The following PCDH7 variants were observed in gnomAD, a reference collection of about 807,000 sequenced individuals.
The protein encoded by PCDH7 is protocadherin 7.
In PCDH7, 17 loss-of-function variants were observed where a neutral mutation model predicts 58.9. That is an observed-to-expected ratio of 0.29 (90% CI 0.20 to 0.43). The LOEUF (loss-of-function observed/expected upper bound fraction) is 0.43, where lower values mean the gene tolerates loss of function less well. Ranked by LOEUF, PCDH7 falls within the 20% of genes least tolerant of loss-of-function variation. The pLI is 1.00. For synonymous variants in PCDH7, 664 were observed against 616.4 expected, an observed-to-expected ratio of 1.08 and a Z score of -1.14; for missense variants, 1,274 against 1,441.0, an observed-to-expected ratio of 0.88 and a Z score of 1.88.
At chr4:30,794,800 A>T (rs1425167586) in intron 1 of PCDH7, among the ~76,000 whole-genome samples, 1 of 152,014 alleles carries the variant, frequency 6.6e-6, no homozygotes, top group South Asian at 2.1e-4. Flanking sequence ...AATTTGTGAT[A>T]AAAAAATCCA....
At chr4:30,882,799 C>T (rs1737158056) in intron 1 of PCDH7, among the ~76,000 whole-genome samples, 1 of 152,208 alleles carries the variant, frequency 6.6e-6, no homozygotes, top group African/African-American at 2.4e-5. Flanking sequence ...AGAATGACCC[C>T]ATGCCAAAAG....
At chr4:30,750,386 G>T (rs950013582) in intron 1 of PCDH7, among the ~76,000 whole-genome samples, 20 of 151,986 alleles carry the variant, frequency 1.3e-4, no homozygotes, top group Admixed American at 8.5e-4. Flanking sequence ...TCAACCTCCT[G>T]GGCATAGAAC....
Position 31,029,288 on chromosome 4 carries a change from A to G in PCDH7, c.*7+79073A>G, listed in dbSNP as rs1390246723. ...ATTCTGTGCCTATTTCACCTAATGTACTTTTAACTAACCATGAACTAAAAA... is the reference window on the plus strand; with the variant it reads ...ATTCTGTGCCTATTTCACCTAATGTGCTTTTAACTAACCATGAACTAAAAA... On this transcript the variant is annotated intron_variant, in intron 3 of 3. Transcript: ENST00000509759. Among the ~76,000 whole-genome samples the G allele has an allele frequency of 2.0e-5, 3 of 152,190 alleles. No individual in the cohort carries two copies. In the East Asian group the frequency reaches 5.8e-4, roughly 29 times the overall value.
At chr4:30,832,620 C>T (rs577177557) in intron 1 of PCDH7, among the ~76,000 whole-genome samples, 19 of 152,218 alleles carry the variant, frequency 1.2e-4, no homozygotes, top group African/African-American at 4.3e-4. Flanking sequence ...TTTATCCCCT[C>T]TGTGTGTTTG....
chr4:30,755,154 G>A (rs908809566), intron 1 of PCDH7, among the ~76,000 whole-genome samples: 2 of 152,090 alleles, frequency 1.3e-5, no homozygotes, highest in Non-Finnish European at 2.9e-5. Flanking sequence ...ACCTCACCGA[G>A]TATCTCATCA....
intron 3 of PCDH7, among the ~76,000 whole-genome samples, chr4:31,081,473 C>T (rs1759500659): frequency 6.6e-6 from 1 of 152,160 alleles, no homozygotes; most frequent in Admixed American, 6.5e-5. Flanking sequence ...CATTACATAA[C>T]ATCTTCTTAA....
At chr4:31,099,412 C>T (rs1714604811) in intron 3 of PCDH7, among the ~76,000 whole-genome samples, 1 of 152,136 alleles carries the variant, frequency 6.6e-6, no homozygotes, top group African/African-American at 2.4e-5. Flanking sequence ...AAAACCTGGA[C>T]AGATACATTT....
intron 3 of PCDH7, among the ~76,000 whole-genome samples, chr4:31,035,569 A>T (rs1755339987): frequency 6.6e-6 from 1 of 152,054 alleles, no homozygotes; most frequent in Non-Finnish European, 1.5e-5. Context: ...ATGTTTCTTA[A>T]TAACACTTTT....
chr4:30,996,044 G>A (rs1751868577), intron 3 of PCDH7, among the ~76,000 whole-genome samples: 1 of 151,232 alleles, frequency 6.6e-6, no homozygotes, highest in African/African-American at 2.4e-5. Context: ...CCTCTTCAAT[G>A]TTTATACATA....
intron 3 of PCDH7, among the ~76,000 whole-genome samples, chr4:30,995,879 G>T (rs1235270662): frequency 6.6e-6 from 1 of 151,992 alleles, no homozygotes; most frequent in East Asian, 1.9e-4. Context: ...AGGACCCTTT[G>T]ATTACATTGA....
rs75418500 is a variant in PCDH7, at chr4:30,846,823, C to A, written c.71-73330C>A. Among the ~76,000 whole-genome samples the A allele has an allele frequency of 3.1e-3, 470 of 152,130 alleles. 2 individuals are homozygous for A. The highest frequency in any genetic ancestry group is 0.011 in the African/African-American group (451 of 41,510). On this transcript the variant is annotated intron_variant, in intron 1 of 3. Transcript: ENST00000509759. ...TCCAGTTCTATGTGTAGAAATCAGG[C>A]TTTTAACAGACAGGATGCAGCCAGG...
At chr4:31,007,705 G>A (rs921566329) in intron 3 of PCDH7, among the ~76,000 whole-genome samples, 2 of 151,804 alleles carry the variant, frequency 1.3e-5, no homozygotes, top group Admixed American at 1.3e-4. Flanking sequence ...AGAAACCTGA[G>A]TAAATCTAGT....
intron 1 of PCDH7, among the ~76,000 whole-genome samples, chr4:30,728,245 TTGTGTGTG>T (rs138265687): frequency 2.0e-5 from 3 of 146,468 alleles, no homozygotes; most frequent in Admixed American, 1.4e-4. Context: ...GTCAATTCAT[TTGTGTGTG>T]TGTGTGTGTG....
intron 3 of PCDH7, among the ~76,000 whole-genome samples, chr4:30,956,557 A>G (rs1479938377): frequency 4.6e-5 from 7 of 152,252 alleles, no homozygotes; most frequent in East Asian, 3.8e-4. Context: ...ATAACTGACT[A>G]TAATAAAAGT....
At chr4:30,948,831 C>A (rs1175554861) in intron 2 of PCDH7, among the ~76,000 whole-genome samples, 4 of 151,976 alleles carry the variant, frequency 2.6e-5, no homozygotes, top group African/African-American at 4.8e-5. Context: ...TAACTAGATA[C>A]GATGGCTAAT....
chr4:30,730,773 T>C (rs1305750005), exon 2 of PCDH7: 2 of 1,607,328 alleles, frequency 1.2e-6, no homozygotes, highest in Non-Finnish European at 1.7e-6. Context: ...ATCCATACAT[T>C]ACTGTGTTTG....
intron 1 of PCDH7, among the ~76,000 whole-genome samples, chr4:30,882,172 TTCCCCTTCCTCTTTCCCC>T (rs1364133866): frequency 7.2e-6 from 1 of 138,966 alleles, no homozygotes; most frequent in Non-Finnish European, 1.6e-5. Context: ...CCTCCCTCTC[TTCCCCTTCCTCTTTCCCC>T]TCCCCTTCCT....
intron 3 of PCDH7, among the ~76,000 whole-genome samples, chr4:30,998,822 G>C (rs894141613): frequency 6.6e-6 from 1 of 152,042 alleles, no homozygotes; most frequent in Non-Finnish European, 1.5e-5. Flanking sequence ...CATGAGATAA[G>C]ATATATGAAA....
Position 30,723,235 on chromosome 4 carries a change from T to C in PCDH7, c.1813T>C (p.Tyr605His), listed in dbSNP as rs796225377. 1 of 1,614,026 alleles carries C rather than the reference T, an allele frequency of 6.2e-7. No homozygotes were observed. The highest frequency in any genetic ancestry group is 8.5e-7 in the Non-Finnish European group (1 of 1,180,000). Residue 605 changes from tyrosine (Y) to histidine (H), a missense_variant, in exon 1 of 2, where the codon TAT becomes CAT. Tyr to His is a moderately conservative substitution (Grantham distance 83). Coordinates refer to ENST00000361762, the Ensembl canonical transcript of PCDH7. The surrounding 1 kb of genome is among the most constrained non-coding windows in gnomAD (Gnocchi z 4.6). ...GCTGGACCGCGAGCAGACTGACAGGTATGAGTTTAAAGTTAACGCCAAAGA... is the reference window on the plus strand; with the variant it reads ...GCTGGACCGCGAGCAGACTGACAGGCATGAGTTTAAAGTTAACGCCAAAGA...
Sources: allele counts gnomAD v4.1 joint callset (sites outside exome capture counted in the v4.1 genomes callset), GRCh38; gene constraint gnomAD v4.1.1; non-coding constraint Gnocchi (gnomAD v3.1); transcripts MANE v1.5; gene names NCBI Gene and HGNC (gene_info 2026-07-23, HGNC 2026-07-21).